The following SEMA5A variants were observed in gnomAD, a reference collection of about 807,000 sequenced individuals.
SEMA5A encodes semaphorin 5A, also known as semaphorin-5A.
In SEMA5A, 55 loss-of-function variants were observed where a neutral mutation model predicts 135.5. That is an observed-to-expected ratio of 0.41 (90% confidence interval 0.33 to 0.51). The LOEUF is 0.51. Ranked by LOEUF, SEMA5A falls within the 20% of genes least tolerant of loss-of-function variation. SEMA5A has a pLI of 0.37. For synonymous variants in SEMA5A, 580 were observed against 546.5 expected (o/e 1.06, Z -0.85); for missense variants, 1,290 against 1,419.9 (o/e 0.91, Z 1.47).
intron 14 of SEMA5A, among the ~76,000 whole-genome samples, 198 bp from the exon 15 acceptor site, chr5:9,119,339 G>T (rs2150178618): frequency 6.6e-6 from 1 of 152,240 alleles, no homozygotes; most frequent in Admixed American, 6.5e-5. Flanking sequence ...CCAGGCATCT[G>T]GTTTATAGCC....
intron 8 of SEMA5A, among the ~76,000 whole-genome samples, chr5:9,203,473 G>A (rs919370325): frequency 6.6e-6 from 1 of 152,134 alleles, no homozygotes; most frequent in Non-Finnish European, 1.5e-5. Flanking sequence ...AATGTTAAGA[G>A]TAAGACACAT....
chr5:9,136,883 C>T (rs774852642), intron 12 of SEMA5A, among the ~76,000 whole-genome samples: 3 of 152,162 alleles, frequency 2.0e-5, no homozygotes, highest in African/African-American at 7.2e-5. Context: ...TGAGCCAACA[C>T]GAGCATTTTG....
rs1359222196 is a variant in SEMA5A, at chr5:9,037,236, T to C, written c.*5661A>G. The C allele has an allele frequency of 1.3e-5, 2 of 152,230 alleles. No individual in the cohort carries two copies. The highest frequency in any genetic ancestry group is 4.8e-5 in the African/African-American group (2 of 41,454). 9.4% of individuals were successfully genotyped at this position (152,230 alleles called of 1,614,324 possible). A position where few individuals can be genotyped will look rare whatever the true frequency, so the allele number is the denominator to read the frequency against. ...ATTGCGCCAACACTGTAAAACATGT[T>C]TGCTTGAGCAAGAATTGATATTGAC... On this transcript the variant is annotated 3_prime_UTR_variant, in exon 23 of 23. Coordinates refer to ENST00000382496, the MANE Select transcript of SEMA5A (RefSeq NM_003966.3).
At chr5:9,384,253 C>G (rs954554595) in intron 2 of SEMA5A, among the ~76,000 whole-genome samples, 3 of 152,090 alleles carry the variant, frequency 2.0e-5, no homozygotes, top group South Asian at 4.2e-4. Context: ...TCCCTCCTTC[C>G]CGGACTCAGC....
At chr5:9,162,593 C>T (rs1200282480) in intron 11 of SEMA5A, among the ~76,000 whole-genome samples, 104 of 132,570 alleles carry the variant, frequency 7.8e-4, no homozygotes, top group East Asian at 1.8e-3. Flanking sequence ...TATACACACA[C>T]ACACACAAAC....
chr5:9,106,879 C>T (rs555396351), intron 16 of SEMA5A, among the ~76,000 whole-genome samples: 8 of 152,142 alleles, frequency 5.3e-5, no homozygotes, highest in Admixed American at 3.9e-4. Flanking sequence ...ATGAGAGCTA[C>T]GACAGTATCT....
chr5:9,387,089 GC>G (rs1755928551), intron 2 of SEMA5A, among the ~76,000 whole-genome samples: 2 of 152,288 alleles, frequency 1.3e-5, no homozygotes, highest in Admixed American at 1.3e-4. Context: ...GCAGTGACAG[GC>G]CACATCAGGA....
chr5:9,277,791 A>G (rs561487007), intron 5 of SEMA5A, among the ~76,000 whole-genome samples: 1 of 152,198 alleles, frequency 6.6e-6, no homozygotes, highest in African/African-American at 2.4e-5. Flanking sequence ...CAGGGAGGGG[A>G]ATATCACGCA....
rs1286975593 is a variant in SEMA5A at position 9,332,636 on chromosome 5, G to GT, written c.224+5076_224+5077insA. Among the ~76,000 whole-genome samples the GT allele has an allele frequency of 3.9e-5, 6 of 152,106 alleles. No homozygotes were observed. In the East Asian group the frequency reaches 1.2e-3, roughly 29 times the overall value. On this transcript the variant is annotated intron_variant, in intron 4 of 22. Transcript: ENST00000382496. ...CTGCTACTCACATTGGGTCAGGTGT[G>GT]CAATGTGTGCAGCTATGGGCTGGTA...
intron 4 of SEMA5A, among the ~76,000 whole-genome samples, chr5:9,321,562 G>T (rs1268439437): frequency 2.0e-5 from 3 of 152,168 alleles, no homozygotes; most frequent in Non-Finnish European, 4.4e-5. Flanking sequence ...GTAAAATGGA[G>T]CTAATAATCA....
intron 12 of SEMA5A, among the ~76,000 whole-genome samples, chr5:9,136,879 A>G (rs1260201463): frequency 6.6e-6 from 1 of 152,222 alleles, no homozygotes; most frequent in Non-Finnish European, 1.5e-5. Context: ...AAGATGAGCC[A>G]ACACGAGCAT....
At chr5:9,186,834 A>G (rs1561000121) in intron 11 of SEMA5A, among the ~76,000 whole-genome samples, 2 of 152,230 alleles carry the variant, frequency 1.3e-5, no homozygotes, top group African/African-American at 4.8e-5. Flanking sequence ...TATCTGAATT[A>G]TTCTAGATTT....
At chr5:9,086,640 G>A (rs187790413) in intron 16 of SEMA5A, among the ~76,000 whole-genome samples, 166 of 152,174 alleles carry the variant, frequency 1.1e-3, no homozygotes, top group African/African-American at 3.8e-3. Context: ...GTGTGAAAAC[G>A]GACTAATATA....
At chr5:9,364,311 G>A (rs1754824922) in intron 3 of SEMA5A, among the ~76,000 whole-genome samples, 1 of 152,184 alleles carries the variant, frequency 6.6e-6, no homozygotes, top group Non-Finnish European at 1.5e-5. Flanking sequence ...TAAATGGTGT[G>A]AATAATGCCT....
intron 1 of SEMA5A, among the ~76,000 whole-genome samples, chr5:9,494,476 T>G (rs1735199697): frequency 6.6e-6 from 1 of 152,186 alleles, no homozygotes; most frequent in Admixed American, 6.6e-5. Flanking sequence ...TCGAGGTCAG[T>G]GGCTCCCCAA....
chr5:9,398,908 T>C (rs369929485), intron 2 of SEMA5A, among the ~76,000 whole-genome samples: 1 of 152,172 alleles, frequency 6.6e-6, no homozygotes, highest in Admixed American at 6.5e-5. Context: ...GTGCTACCAA[T>C]GGTATAAAGA....
intron 21 of SEMA5A, among the ~76,000 whole-genome samples, chr5:9,050,060 G>A (rs138077007): frequency 6.0e-4 from 91 of 152,102 alleles, no homozygotes; most frequent in African/African-American, 2.1e-3. Context: ...ATAAAGCTTA[G>A]AACCCATAAG....
At chr5:9,358,984 A>G (rs1754573674) in intron 3 of SEMA5A, among the ~76,000 whole-genome samples, 1 of 152,200 alleles carries the variant, frequency 6.6e-6, no homozygotes, top group Non-Finnish European at 1.5e-5. Context: ...ATGTGGGGCT[A>G]TGGAAAAACT....
At chr5:9,123,759 G>C (rs192501032) in intron 13 of SEMA5A, among the ~76,000 whole-genome samples, 2 of 152,128 alleles carry the variant, frequency 1.3e-5, no homozygotes, top group Non-Finnish European at 2.9e-5. Flanking sequence ...CAGCTGCAGC[G>C]CTTCTCTTTG....
Sources: gnomAD v4.1 joint callset for allele counts (sites outside exome capture counted in the v4.1 genomes callset) on GRCh38, gnomAD v4.1.1 for gene constraint, MANE v1.5 for transcripts, NCBI Gene and HGNC (gene_info 2026-07-23, HGNC 2026-07-21) for gene names.